The following THSD7B variants were observed in gnomAD, a reference collection of about 807,000 sequenced individuals.
The protein encoded by THSD7B is thrombospondin type 1 domain containing 7B, also known as thrombospondin type-1 domain-containing protein 7B.
THSD7B carries 138 observed loss-of-function variants against 213.6 expected under a neutral mutation model. That is an observed-to-expected ratio of 0.65 (90% CI 0.56 to 0.74). THSD7B has a LOEUF of 0.74. Among genes scored for constraint, THSD7B ranks in the 30% least tolerant of loss-of-function variants. The probability of loss-of-function intolerance (pLI) is 0.00; values close to 1 mark genes in which losing one functional copy is unlikely to be tolerated. For synonymous variants in THSD7B, 742 were observed against 687.0 expected (o/e 1.08, Z -1.25); for missense variants, 1,931 against 1,991.5 (o/e 0.97, Z 0.58).
intron 17 of THSD7B, among the ~76,000 whole-genome samples, chr2:137,602,521 G>A (rs1394623426): frequency 3.3e-5 from 5 of 151,942 alleles, no homozygotes; most frequent in Admixed American, 6.6e-5. Context: ...ACCCACCTTC[G>A]CCTCCCAAAG....
rs1181728155 is a variant in THSD7B at position 137,402,790 on chromosome 2, T to C, written c.2501-2823T>C. Among the ~76,000 whole-genome samples the C allele has an allele frequency of 2.8e-5, 4 of 142,282 alleles. No individual in the cohort carries two copies. The East Asian group carries it at 8.2e-4, about 29-fold the overall frequency. The allele number at this position is 142,282 out of a possible 152,430, so 93.3% of individuals were successfully genotyped here. A position where few individuals can be genotyped will look rare whatever the true frequency, so the allele number is the denominator to read the frequency against. On this transcript the variant is annotated intron_variant, in intron 12 of 27. Transcript: ENST00000409968. ...GAGATCACATCACTGCACTCTAGCC[T>C]GTGCAGTGAAGCGAAACTCCATCTC...
rs1686655639 is a variant in THSD7B at position 137,411,640 on chromosome 2, T to A, written c.2727T>A (p.Asp909Glu). The change falls in exon 14 of 28, where the codon GAT becomes GAA. Residue 909 changes from aspartate (D) to glutamate (E), a missense_variant. Transcript: ENST00000409968. ...GKSRKKEKCQ[D>E]SDLYPLVETE... ...GCAGAAAGAAGGAGAAATGCCAGGA[T>A]TCTGACCTTTACCCTCTAGTGGAGA... The A allele has an allele frequency of 6.2e-7, 1 of 1,613,736 alleles. No individual in the cohort carries two copies. Among genetic ancestry groups the A allele is most frequent in the Non-Finnish European group, 8.5e-7 (1 of 1,179,690 alleles).
At chr2:137,558,505 A>G (rs1681035004) in intron 15 of THSD7B, among the ~76,000 whole-genome samples, 1 of 152,238 alleles carries the variant, frequency 6.6e-6, no homozygotes, top group East Asian at 1.9e-4. Flanking sequence ...CTTCAACATA[A>G]TTCAACAGCC....
At chr2:136,783,580 A>G (rs1295252281) in intron 1 of THSD7B, among the ~76,000 whole-genome samples, 1 of 152,172 alleles carries the variant, frequency 6.6e-6, no homozygotes, top group Non-Finnish European at 1.5e-5. Context: ...AAGGAGTCAC[A>G]GCACTGCTGA....
chr2:136,895,427 A>G (rs1190419497), intron 2 of THSD7B, among the ~76,000 whole-genome samples: 1 of 151,824 alleles, frequency 6.6e-6, no homozygotes, highest in African/African-American at 2.4e-5. Flanking sequence ...AATAAAAAAA[A>G]ATACAACTTT....
intron 27 of THSD7B, among the ~76,000 whole-genome samples, chr2:137,671,227 A>ATGAT (rs1683565498): frequency 8.3e-6 from 1 of 121,130 alleles, no homozygotes; most frequent in Admixed American, 1.0e-4. Flanking sequence ...GTGTATATTT[A>ATGAT]TGATTTGCTT....
chr2:137,107,183 T>G (rs1688270792), intron 4 of THSD7B, among the ~76,000 whole-genome samples: 1 of 152,116 alleles, frequency 6.6e-6, no homozygotes, highest in African/African-American at 2.4e-5. Flanking sequence ...GTAGCACATA[T>G]ACAACATGGA....
chr2:137,302,497 G>C (rs1297668978), intron 12 of THSD7B, among the ~76,000 whole-genome samples: 1 of 152,084 alleles, frequency 6.6e-6, no homozygotes, highest in African/African-American at 2.4e-5. Flanking sequence ...TATGAAGGTG[G>C]GGAAGGATTA....
chr2:137,186,829 C>A (rs1680561714), intron 7 of THSD7B, among the ~76,000 whole-genome samples: 1 of 152,098 alleles, frequency 6.6e-6, no homozygotes, highest in Non-Finnish European at 1.5e-5. Flanking sequence ...ATTGATTCTT[C>A]CAATCCATGA....
chr2:136,984,416 AGTGTTTAAAAGT>A (rs1474597186), intron 2 of THSD7B, among the ~76,000 whole-genome samples: 1 of 152,120 alleles, frequency 6.6e-6, no homozygotes, highest in African/African-American at 2.4e-5. Context: ...GTGAGATCTG[AGTGTTTAAAAGT>A]GTGGGATCTC....
chr2:137,559,837 G>C (rs1681070036), intron 15 of THSD7B, among the ~76,000 whole-genome samples: 1 of 152,142 alleles, frequency 6.6e-6, no homozygotes, highest in Non-Finnish European at 1.5e-5. Context: ...CTAATATCCA[G>C]AATCTACAAA....
At chr2:137,607,337 C>T (rs568124195) in intron 17 of THSD7B, among the ~76,000 whole-genome samples, 2 of 152,248 alleles carry the variant, frequency 1.3e-5, no homozygotes, top group South Asian at 2.1e-4. Flanking sequence ...CAAACACAAA[C>T]ATACACACAC....
At chr2:136,896,745 A>G (rs964015989) in intron 2 of THSD7B, among the ~76,000 whole-genome samples, 9 of 152,042 alleles carry the variant, frequency 5.9e-5, no homozygotes, top group African/African-American at 1.9e-4. Context: ...TCTAAGTTCA[A>G]TTTTTTACAT....
intron 2 of THSD7B, among the ~76,000 whole-genome samples, chr2:136,939,882 C>A (rs1684791537): frequency 6.6e-6 from 1 of 152,040 alleles, no homozygotes; most frequent in Non-Finnish European, 1.5e-5. Context: ...CCCCCCGACA[C>A]ACACCACCAC....
At chr2:137,111,356 C>A (rs1273043699) in intron 4 of THSD7B, among the ~76,000 whole-genome samples, 1 of 152,152 alleles carries the variant, frequency 6.6e-6, no homozygotes. Flanking sequence ...TTCTGTACTA[C>A]TTGATTGAGC....
intron 7 of THSD7B, among the ~76,000 whole-genome samples, chr2:137,187,210 G>A (rs1680567672): frequency 6.6e-6 from 1 of 152,134 alleles, no homozygotes; most frequent in African/African-American, 2.4e-5. Context: ...CTTAGGAACT[G>A]CTCTGCGAGG....
intron 2 of THSD7B, among the ~76,000 whole-genome samples, chr2:137,036,374 A>G (rs1047626737): frequency 6.6e-6 from 1 of 152,194 alleles, no homozygotes; most frequent in Non-Finnish European, 1.5e-5. Context: ...GAATACTTGC[A>G]AATTTTTTAA....
chr2:137,326,774 A>G (rs1216385710), intron 12 of THSD7B, among the ~76,000 whole-genome samples: 3 of 152,220 alleles, frequency 2.0e-5, no homozygotes, highest in Non-Finnish European at 2.9e-5. Context: ...ACAAAACTGG[A>G]TGTACACAAG....
At chr2:137,564,644 C>A (rs1484004068) in intron 16 of THSD7B, among the ~76,000 whole-genome samples, 1 of 152,040 alleles carries the variant, frequency 6.6e-6, no homozygotes. Context: ...CCTATTCAGG[C>A]CTCTTAGAAA....
Sources: gnomAD v4.1 joint callset for allele counts (sites outside exome capture counted in the v4.1 genomes callset) on GRCh38, gnomAD v4.1.1 for gene constraint, MANE v1.5 for transcripts, NCBI Gene and HGNC (gene_info 2026-07-23, HGNC 2026-07-21) for gene names.